Variants in CCDC192 observed in about 807,000 individuals in gnomAD.
CCDC192 encodes the protein coiled-coil domain-containing protein 192.
At chr5:127,715,405 G>A (rs935981343) in intron 2 of CCDC192, among the ~76,000 whole-genome samples, 29 of 152,112 alleles carry the variant, frequency 1.9e-4, no homozygotes, top group African/African-American at 6.8e-4. Flanking sequence ...TGTATTATTG[G>A]CAACTTTGTT....
chr5:127,915,705 A>G (rs190635102), intron 6 of CCDC192, among the ~76,000 whole-genome samples: 1 of 151,574 alleles, frequency 6.6e-6, no homozygotes, highest in African/African-American at 2.4e-5. Context: ...TTCTTAAAAC[A>G]TCATGAGATT....
At chr5:127,815,966 AGTAT>A (rs1299921425) in intron 5 of CCDC192, among the ~76,000 whole-genome samples, 1 of 152,252 alleles carries the variant, frequency 6.6e-6, no homozygotes, top group African/African-American at 2.4e-5. Context: ...TTAAATATAC[AGTAT>A]GTATATAAAA....
At chr5:127,936,737 G>T (rs1754196872) in intron 6 of CCDC192, among the ~76,000 whole-genome samples, 1 of 152,208 alleles carries the variant, frequency 6.6e-6, no homozygotes, top group South Asian at 2.1e-4. Flanking sequence ...GGGTTTCCTG[G>T]ATCCTGTGGG....
At chr5:127,789,823 T>C (rs1756762525) in intron 3 of CCDC192, among the ~76,000 whole-genome samples, 1 of 152,226 alleles carries the variant, frequency 6.6e-6, no homozygotes, top group African/African-American at 2.4e-5. Context: ...AGGGACATCA[T>C]CTCAGCTTCA....
chr5:127,775,470 C>A (rs1228304208), intron 3 of CCDC192, among the ~76,000 whole-genome samples: 5 of 152,196 alleles, frequency 3.3e-5, no homozygotes, highest in African/African-American at 1.2e-4. Context: ...GCCTCCTGAC[C>A]AACTCCAGTG....
Position 127,897,061 on chromosome 5 carries a change from C to CT in CCDC192, c.535+21411dup, listed in dbSNP as rs34866205. On this transcript the variant is annotated intron_variant, in intron 6 of 6. Coordinates refer to ENST00000514853, the MANE Select transcript of CCDC192 (RefSeq NM_001317938.2). ...TATTTCTTCTCTAATGTCTCTCTCT[C>CT]TTTTTTTTTTTAAAGGTTTTATCAT... Among the ~76,000 whole-genome samples the CT allele has an allele frequency of 7.2e-3, 1,060 of 148,226 alleles. 14 individuals are homozygous for CT. Among genetic ancestry groups the CT allele is most frequent in the African/African-American group, 0.021 (862 of 40,648 alleles).
At chr5:127,733,870 A>G (rs1752794343) in intron 2 of CCDC192, among the ~76,000 whole-genome samples, 1 of 146,706 alleles carries the variant, frequency 6.8e-6, no homozygotes, top group South Asian at 2.1e-4. Flanking sequence ...TTTCCAATAC[A>G]TTTTTTATTT....
intron 6 of CCDC192, among the ~76,000 whole-genome samples, chr5:127,937,439 C>CA: frequency 6.6e-6 from 1 of 152,194 alleles, no homozygotes; most frequent in East Asian, 1.9e-4. Context: ...ATGATGCAGC[C>CA]AGTGCCCTTA....
chr5:127,839,808 A>G (rs969998862), intron 5 of CCDC192, among the ~76,000 whole-genome samples: 5 of 152,058 alleles, frequency 3.3e-5, no homozygotes, highest in Admixed American at 2.6e-4. Context: ...ATATATATAT[A>G]TGATCCTTTT....
chr5:127,847,247 A>T (rs1750593622), intron 5 of CCDC192, among the ~76,000 whole-genome samples: 1 of 152,198 alleles, frequency 6.6e-6, no homozygotes, highest in Non-Finnish European at 1.5e-5. Context: ...CTCTGTTTAG[A>T]ATATCCTTGC....
intron 5 of CCDC192, among the ~76,000 whole-genome samples, chr5:127,858,528 A>G (rs1003097109): frequency 2.0e-5 from 3 of 152,186 alleles, no homozygotes; most frequent in Non-Finnish European, 4.4e-5. Context: ...ACAGTTGGCA[A>G]CTGACTGCAT....
chr5:127,939,525 C>G (rs879708415), intron 6 of CCDC192, among the ~76,000 whole-genome samples: 5 of 152,118 alleles, frequency 3.3e-5, no homozygotes, highest in Non-Finnish European at 7.4e-5. Context: ...CTAATAATTT[C>G]TAAGAGCAGA....
chr5:127,731,929 T>C (rs1387116300), intron 2 of CCDC192, among the ~76,000 whole-genome samples: 4 of 152,122 alleles, frequency 2.6e-5, no homozygotes, highest in African/African-American at 9.7e-5. Flanking sequence ...GGCAATACCA[T>C]TCAGGACACA....
At chr5:127,879,047 C>T (rs1037192327) in intron 6 of CCDC192, among the ~76,000 whole-genome samples, 12 of 149,998 alleles carry the variant, frequency 8.0e-5, no homozygotes, top group African/African-American at 2.2e-4. Context: ...GATTTTTGTA[C>T]ATTGATTTTG....
chr5:127,812,487 T>C (rs77092152), intron 5 of CCDC192, among the ~76,000 whole-genome samples: 2,583 of 152,298 alleles, frequency 0.017, 70 homozygotes, highest in African/African-American at 0.058. Flanking sequence ...ATTGTTGCCT[T>C]GTCCTGACCC....
intron 5 of CCDC192, among the ~76,000 whole-genome samples, chr5:127,874,992 A>G (rs571154211): frequency 1.3e-5 from 2 of 151,194 alleles, no homozygotes; most frequent in South Asian, 2.1e-4. Context: ...AACCATTCTT[A>G]TGCTTGACGC....
intron 3 of CCDC192, among the ~76,000 whole-genome samples, chr5:127,766,703 AAC>A (rs1755246686): frequency 6.6e-6 from 1 of 151,704 alleles, no homozygotes; most frequent in Admixed American, 6.6e-5. Flanking sequence ...TTCCCTTAGT[AAC>A]ACAATGGACT....
chr5:127,880,165 C>T (rs9717091), intron 6 of CCDC192, among the ~76,000 whole-genome samples: 97,101 of 148,460 alleles, frequency 0.65, 31,628 homozygotes, highest in Non-Finnish European at 0.68. Context: ...ATGTTTATTG[C>T]GGCATTATTC....
At chr5:127,729,580 T>C (rs1462500603) in intron 2 of CCDC192, among the ~76,000 whole-genome samples, 1 of 152,134 alleles carries the variant, frequency 6.6e-6, no homozygotes, top group African/African-American at 2.4e-5. Context: ...CTTCTTCGGG[T>C]CACATGGCAC....
Sources: gnomAD v4.1 joint callset for allele counts (sites outside exome capture counted in the v4.1 genomes callset) on GRCh38, gnomAD v4.1.1 for gene constraint, MANE v1.5 for transcripts, NCBI Gene and HGNC (gene_info 2026-07-23, HGNC 2026-07-21) for gene names.